CEP83: variants seen among roughly 807,000 people sequenced by gnomAD.
CEP83 encodes centrosomal protein 83.
In CEP83, 70 loss-of-function variants were observed where a neutral mutation model predicts 101.9. That is an observed-to-expected ratio of 0.69 (90% CI 0.57 to 0.84). CEP83 has a LOEUF of 0.84. Among genes scored for constraint, CEP83 ranks in the 40% least tolerant of loss-of-function variants. CEP83 has a pLI of 0.00. For synonymous variants in CEP83, 264 were observed against 267.9 expected (o/e 0.99, Z 0.14); for missense variants, 715 against 787.2 (o/e 0.91, Z 1.10).
At chr12:94,334,883 G>C (rs1208458244) in intron 12 of CEP83, among the ~76,000 whole-genome samples, 1 of 152,082 alleles carries the variant, frequency 6.6e-6, no homozygotes, top group East Asian at 1.9e-4. Context: ...CATATGCATA[G>C]CATGACAGAA....
chr12:94,445,535 T>C (rs569158408), intron 1 of CEP83, among the ~76,000 whole-genome samples: 24 of 152,308 alleles, frequency 1.6e-4, no homozygotes, highest in Admixed American at 1.2e-3. Flanking sequence ...AAATCCACTG[T>C]TACATAAATG....
intron 4 of CEP83, among the ~76,000 whole-genome samples, chr12:94,403,744 T>C (rs957299465): frequency 6.6e-6 from 1 of 152,174 alleles, no homozygotes; most frequent in Non-Finnish European, 1.5e-5. Flanking sequence ...TAATAAGTAA[T>C]TAAATATTTA....
chr12:94,355,218 G>A (rs938816062), intron 11 of CEP83, among the ~76,000 whole-genome samples: 4 of 152,100 alleles, frequency 2.6e-5, no homozygotes, highest in Non-Finnish European at 5.9e-5. Context: ...AACAGGCCGG[G>A]CACAGTGGCT....
intron 14 of CEP83, among the ~76,000 whole-genome samples, chr12:94,327,365 T>C (rs1250806651): frequency 6.6e-6 from 1 of 152,192 alleles, no homozygotes; most frequent in South Asian, 2.1e-4. Context: ...CATCACAATA[T>C]AGCTTCTACC....
intron 15 of CEP83, chr12:94,312,599 T>C (rs1970038841): frequency 1.0e-6 from 1 of 985,278 alleles, no homozygotes; most frequent in South Asian, 4.7e-5. Flanking sequence ...AGGCACAATT[T>C]TCAGAACTAT....
chr12:94,278,816 T>C, the CEP83 span, among the ~76,000 whole-genome samples: 3 of 152,030 alleles, frequency 2.0e-5, no homozygotes, highest in African/African-American at 7.2e-5. Context: ...GCCAACATGG[T>C]GAAACCCCGT....
At chr12:94,286,122 A>T in the CEP83 span, among the ~76,000 whole-genome samples, 1 of 152,356 alleles carries the variant, frequency 6.6e-6, no homozygotes, top group South Asian at 2.1e-4. Context: ...CTTAAGGATG[A>T]TAATGAAATT....
chr12:94,366,118 G>A (rs2061013986), intron 11 of CEP83, among the ~76,000 whole-genome samples: 1 of 151,946 alleles, frequency 6.6e-6, no homozygotes, highest in South Asian at 2.1e-4. Flanking sequence ...TTTTTTTGAA[G>A]GTTTTGTTTT....
intron 6 of CEP83, 148 bp downstream of exon 6, chr12:94,400,702 C>T (rs905867247): frequency 5.1e-5 from 18 of 352,080 alleles, no homozygotes; most frequent in South Asian, 2.8e-4. Flanking sequence ...ACTGTTGATA[C>T]GAAGCTGATG....
intron 2 of CEP83, among the ~76,000 whole-genome samples, chr12:94,423,446 A>G (rs1393095481): frequency 7.0e-6 from 1 of 142,460 alleles, no homozygotes; most frequent in African/African-American, 2.6e-5. Context: ...CACCAGACCA[A>G]TCTGGTTCAA....
the CEP83 span, among the ~76,000 whole-genome samples, chr12:94,295,285 TTC>T: frequency 4.6e-5 from 7 of 152,030 alleles, 1 homozygote; most frequent in Non-Finnish European, 1.5e-5. Flanking sequence ...GAATGTGGGG[TTC>T]TTGATTATAC....
the CEP83 span, among the ~76,000 whole-genome samples, chr12:94,293,404 G>C: frequency 6.6e-6 from 1 of 152,210 alleles, no homozygotes; most frequent in Admixed American, 6.5e-5. Context: ...TCTTAATAGA[G>C]TAGTGTCATA....
chr12:94,273,906 G>A, the CEP83 span, among the ~76,000 whole-genome samples: 8 of 152,068 alleles, frequency 5.3e-5, no homozygotes, highest in African/African-American at 1.7e-4. Flanking sequence ...GCTCCAAGCC[G>A]GTCCCTACAT....
intron 2 of CEP83, among the ~76,000 whole-genome samples, chr12:94,415,331 C>T (rs2064186317): frequency 6.6e-6 from 1 of 151,958 alleles, no homozygotes; most frequent in African/African-American, 2.4e-5. Flanking sequence ...AACTAAAGGA[C>T]TGAGCAAGCT....
chr12:94,339,400 A>G (rs931825380), intron 11 of CEP83, among the ~76,000 whole-genome samples: 2 of 152,270 alleles, frequency 1.3e-5, no homozygotes, highest in African/African-American at 2.4e-5. Flanking sequence ...ATATTCTACA[A>G]TCTGTGCCTT....
chr12:94,391,175 T>G (rs948541592), intron 6 of CEP83, among the ~76,000 whole-genome samples: 5 of 152,004 alleles, frequency 3.3e-5, no homozygotes, highest in African/African-American at 1.2e-4. Context: ...CACATAATTT[T>G]CAGATGCACC....
chr12:94,376,239 T>C (rs1471138406), intron 7 of CEP83, among the ~76,000 whole-genome samples: 3 of 152,220 alleles, frequency 2.0e-5, no homozygotes, highest in African/African-American at 7.2e-5. Flanking sequence ...AAACAACATA[T>C]GAATGACCAT....
In CEP83 at chr12:94,333,517, T is replaced by C. The variant is rs1364353359; in HGVS notation, c.1542A>G (p.Arg514=). Residue 514 remains arginine, a synonymous_variant, in exon 13 of 17, where the codon AGA becomes AGG. Coordinates refer to ENST00000397809, the MANE Select transcript of CEP83 (RefSeq NM_016122.3). ...CTAGTTGCGCTTTTTCAGCTTGGCT[T>C]CTAAAATTTCGGCATTCTTGTTTTA... ...ERLKQECRNF[R]SQAEKAQLEA... The C allele has an allele frequency of 2.5e-6, 4 of 1,613,450 alleles. No individual in the cohort carries two copies. The highest frequency in any genetic ancestry group is 3.3e-5 in the Admixed American group (2 of 59,920).
chr12:94,269,410 G>A, the CEP83 span, among the ~76,000 whole-genome samples: 1,887 of 152,246 alleles, frequency 0.012, 47 homozygotes, highest in African/African-American at 0.043. Context: ...TCTTTCTCTA[G>A]CAGTTACCAT....
Sources: allele counts gnomAD v4.1 joint callset (sites outside exome capture counted in the v4.1 genomes callset), GRCh38; gene constraint gnomAD v4.1.1; transcripts MANE v1.5; gene names NCBI Gene and HGNC (gene_info 2026-07-23, HGNC 2026-07-21).